Variants in FGF14 observed in about 807,000 individuals in gnomAD.
FGF14 encodes fibroblast growth factor 14, also known as fibroblast growth factor homologous factor 4.
Under a neutral mutation model 25.5 loss-of-function variants are expected in FGF14, and 5 were observed. The observed-to-expected ratio is 0.20, with a 90% CI of 0.10 to 0.41. FGF14 has a LOEUF of 0.41. FGF14 is among the 10% of genes least tolerant of loss of function. The pLI is 1.00. For synonymous variants in FGF14, 138 were observed against 118.3 expected (o/e 1.17, Z -1.08); for missense variants, 222 against 320.1 (o/e 0.69, Z 2.34).
At chr13:102,162,178 A>G (rs1487002808) in intron 1 of FGF14, among the ~76,000 whole-genome samples, 1 of 152,146 alleles carries the variant, frequency 6.6e-6, no homozygotes, top group East Asian at 1.9e-4. Context: ...ATGCTTCCAA[A>G]TGATGCTCTC....
Position 101,907,831 on chromosome 13 carries a change from AT to A in FGF14, c.193+8621del, listed in dbSNP as rs552949487. Reference sequence around the variant, plus strand: ...GGATGATGCAGAAGAGAAGAAAATTATTGGATTGATTTCCCTGAGTAGGAGA... The same window carrying A: ...GGATGATGCAGAAGAGAAGAAAATTATGGATTGATTTCCCTGAGTAGGAGA... On this transcript the variant is annotated intron_variant, in intron 1 of 4. Coordinates refer to ENST00000376143, the MANE Select transcript of FGF14 (RefSeq NM_004115.4). Among the ~76,000 whole-genome samples, 380 of 152,258 alleles carry A rather than the reference AT, an allele frequency of 2.5e-3. 4 individuals carry two copies. Among genetic ancestry groups the A allele is most frequent in the African/African-American group, 8.7e-3 (360 of 41,558 alleles).
chr13:101,990,378 T>TA (rs2038831090), intron 1 of FGF14, among the ~76,000 whole-genome samples: 1 of 152,176 alleles, frequency 6.6e-6, no homozygotes, highest in Admixed American at 6.6e-5. Context: ...TACGCCTATA[T>TA]AGTTAAGAAA....
intron 3 of FGF14, among the ~76,000 whole-genome samples, chr13:101,827,939 AG>A (rs1594396365): frequency 1.5e-5 from 2 of 130,506 alleles, no homozygotes; most frequent in Non-Finnish European, 3.5e-5. Flanking sequence ...AAAAAAAAAA[AG>A]AAAGAAAAAA....
At chr13:102,199,541 C>A in intron 1 of FGF14, among the ~76,000 whole-genome samples, 1 of 152,202 alleles carries the variant, frequency 6.6e-6, no homozygotes, top group East Asian at 1.9e-4. Flanking sequence ...ATCTTTGACA[C>A]TAGACTAGAT....
At chr13:102,313,768 A>C (rs1212406282) in intron 1 of FGF14, among the ~76,000 whole-genome samples, 1 of 152,174 alleles carries the variant, frequency 6.6e-6, no homozygotes, top group East Asian at 1.9e-4. Context: ...GTTCAGGTTC[A>C]TTTCTATGGA....
intron 1 of FGF14, among the ~76,000 whole-genome samples, chr13:102,001,013 G>A (rs957143118): frequency 1.3e-5 from 2 of 152,076 alleles, no homozygotes; most frequent in Non-Finnish European, 2.9e-5. Flanking sequence ...TTAGGGAGAG[G>A]GTCATGATTT....
intron 1 of FGF14, among the ~76,000 whole-genome samples, chr13:102,297,595 T>C (rs1477747358): frequency 6.6e-6 from 1 of 151,948 alleles, no homozygotes; most frequent in Non-Finnish European, 1.5e-5. Flanking sequence ...AAAGGTTTAT[T>C]ACAAATAAAA....
In FGF14 at chr13:102,082,781, C is replaced by T. The variant is rs199730767; in HGVS notation, c.209-207485G>A. Among the ~76,000 whole-genome samples the T allele has an allele frequency of 3.5e-3, 507 of 143,806 alleles. 15 individuals are homozygous for T. The East Asian group carries it at 0.085, about 24-fold the overall frequency. The allele number at this position is 143,806 out of a possible 152,430, so 94.3% of individuals were successfully genotyped here. A position where few individuals can be genotyped will look rare whatever the true frequency, so the allele number is the denominator to read the frequency against. On this transcript the variant is annotated intron_variant, in intron 1 of 4. Coordinates refer to the FGF14 transcript ENST00000376131. Reference sequence around the variant, plus strand: ...CATCCCGGCTAAAACGGTGAAACCCCGTCTCTACTAAAAATACAAAAAAAA... The same window carrying T: ...CATCCCGGCTAAAACGGTGAAACCCTGTCTCTACTAAAAATACAAAAAAAA...
chr13:102,195,968 T>C (rs1428037269), intron 1 of FGF14, among the ~76,000 whole-genome samples: 1 of 152,130 alleles, frequency 6.6e-6, no homozygotes, highest in Non-Finnish European at 1.5e-5. Context: ...ATTAGATCAG[T>C]ATTGAGATTA....
intron 1 of FGF14, among the ~76,000 whole-genome samples, chr13:102,344,933 C>G (rs1207190632): frequency 2.0e-5 from 3 of 152,198 alleles, no homozygotes; most frequent in Non-Finnish European, 4.4e-5. Context: ...TGTGGGAAAC[C>G]ACGCTGTTGA....
chr13:102,241,370 T>C (rs774857054), intron 1 of FGF14, among the ~76,000 whole-genome samples: 8 of 152,164 alleles, frequency 5.3e-5, no homozygotes, highest in Admixed American at 3.9e-4. Flanking sequence ...GGGTCACTTG[T>C]TGCCTTCACA....
At chr13:102,275,265 T>TCTCTCTCTCTCTCTCTCTCTCTCTCTCC (rs2053476526) in intron 1 of FGF14, among the ~76,000 whole-genome samples, 1 of 143,954 alleles carries the variant, frequency 6.9e-6, no homozygotes, top group African/African-American at 2.5e-5. Flanking sequence ...TCTCTCTTTC[T>TCTCTCTCTCTCTCTCTCTCTCTCTCTCC]CTCTCTCTCT....
chr13:101,942,459 AT>A (rs2035516501), intron 1 of FGF14, among the ~76,000 whole-genome samples: 1 of 152,306 alleles, frequency 6.6e-6, no homozygotes, highest in East Asian at 1.9e-4. Context: ...TTTAGTACTC[AT>A]TTGATTTTGT....
chr13:102,283,787 CCTTAAATTCAGGT>C (rs983998358), intron 1 of FGF14, among the ~76,000 whole-genome samples: 4 of 152,168 alleles, frequency 2.6e-5, no homozygotes, highest in African/African-American at 9.7e-5. Context: ...ACTCCCTAAT[CCTTAAATTCAGGT>C]CTGCCACTCA....
intron 1 of FGF14, among the ~76,000 whole-genome samples, chr13:101,913,096 G>T (rs2033117957): frequency 6.6e-6 from 1 of 152,160 alleles, no homozygotes; most frequent in South Asian, 2.1e-4. Flanking sequence ...AGAGGAGATG[G>T]CATTTTCTCT....
intron 1 of FGF14, among the ~76,000 whole-genome samples, chr13:102,254,156 A>C (rs2052332005): frequency 6.6e-6 from 1 of 152,238 alleles, no homozygotes; most frequent in South Asian, 2.1e-4. Context: ...TAACAACCTT[A>C]AACAATCCCA....
intron 1 of FGF14, among the ~76,000 whole-genome samples, chr13:102,076,994 A>G (rs557818360): frequency 6.6e-6 from 1 of 152,322 alleles, no homozygotes; most frequent in Admixed American, 6.5e-5. Context: ...TTTATAGTCA[A>G]TTGAGGACAA....
chr13:101,942,009 T>C (rs970629901), intron 1 of FGF14, among the ~76,000 whole-genome samples: 2 of 152,240 alleles, frequency 1.3e-5, no homozygotes, highest in Admixed American at 1.3e-4. Context: ...TGTTACTATG[T>C]TGTTTTCTTA....
intron 3 of FGF14, 178 bp downstream of exon 3, chr13:101,868,547 A>G: frequency 1.6e-6 from 1 of 628,380 alleles, no homozygotes; most frequent in Non-Finnish European, 2.9e-6. Context: ...CCTTTAGATA[A>G]ACTCATATTA....
Sources: allele counts gnomAD v4.1 joint callset (sites outside exome capture counted in the v4.1 genomes callset), GRCh38; gene constraint gnomAD v4.1.1; transcripts MANE v1.5; gene names NCBI Gene and HGNC (gene_info 2026-07-23, HGNC 2026-07-21).